Variants in WASHC2C observed in about 807,000 individuals in gnomAD.
The protein encoded by WASHC2C is WASH complex subunit 2C.
In WASHC2C, 73 loss-of-function variants were observed where a neutral mutation model predicts 142.2. The ratio of observed to expected loss-of-function variants is 0.51; its 90% CI spans 0.43 to 0.62. The LOEUF (loss-of-function observed/expected upper bound fraction) is 0.62. WASHC2C is among the 20% of genes least tolerant of loss of function. The pLI, the probability that WASHC2C is intolerant of heterozygous loss-of-function variation, is 0.00. For missense variants in WASHC2C, 969 were observed against 1,531.7 expected, an observed-to-expected ratio of 0.63 and a Z score of 6.13; for synonymous variants, 337 against 565.5, an observed-to-expected ratio of 0.60 and a Z score of 5.73.
chr10:45,770,544 A>T (rs1234575210), intron 20 of WASHC2C, among the ~76,000 whole-genome samples: 1 of 151,862 alleles, frequency 6.6e-6, no homozygotes, highest in African/African-American at 2.4e-5. Context: ...CCTGAATGTT[A>T]TTAGCAGAAA....
In WASHC2C at chr10:45,790,677, T is replaced by A. The variant is rs1409775026; in HGVS notation, c.3886+144T>A. 5 of 736,100 alleles carry A rather than the reference T, an allele frequency of 6.8e-6. No individual in the cohort carries two copies. The Admixed American group carries it at 1.0e-4, about 15-fold the overall frequency. 45.6% of individuals were successfully genotyped at this position (736,100 alleles called of 1,614,324 possible). ...GTGTAATCCTGAGTTAGGCTGAAGA[T>A]AGGTAAGAGATGGACTAATTATTTT... is the stretch of plus-strand genomic sequence containing the variant. On this transcript the variant is annotated intron_variant, in intron 30 of 30. Transcript: ENST00000623400.
rs1589974393 is a variant in WASHC2C at position 45,788,952 on chromosome 10, G to A, written c.3169G>A (p.Glu1057Lys). The A allele has an allele frequency of 1.2e-6, 2 of 1,612,076 alleles. No individual in the cohort carries two copies. Among genetic ancestry groups the A allele is most frequent in the Non-Finnish European group, 1.7e-6 (2 of 1,179,870 alleles). ...RLAAQESSEA[E>K]DMSVPRGPIA... is the part of the protein sequence containing the mutation. ...GGCTGCTCAGGAGTCCAGCGAGGCT[G>A]AGGACATGAGCGTCCCCAGAGGACC... is the stretch of plus-strand genomic sequence containing the variant. Residue 1057 changes from glutamate (E) to lysine (K), a missense_variant, in exon 29 of 31, where the codon GAG becomes AAG. Coordinates refer to ENST00000623400, the MANE Select transcript of WASHC2C (RefSeq NM_001330074.2).
intron 8 of WASHC2C, among the ~76,000 whole-genome samples, chr10:45,748,956 A>G (rs2053193954): frequency 6.6e-6 from 1 of 152,004 alleles, no homozygotes; most frequent in Non-Finnish European, 1.5e-5. Flanking sequence ...GAAATGCTGT[A>G]GTGTTTGCAG....
At chr10:45,738,130 T>C in intron 4 of WASHC2C, 85 bp downstream of exon 4, 2 of 1,592,152 alleles carry the variant, frequency 1.3e-6, no homozygotes, top group East Asian at 2.3e-5. Flanking sequence ...AACTGGGGGA[T>C]GGTGGGTGGG....
chr10:45,786,640 C>A lies in WASHC2C; in HGVS notation c.2840C>A (p.Thr947Asn). Residue 947 changes from threonine (T) to asparagine (N), a missense_variant, in exon 27 of 31, where the codon ACC becomes AAC. Physicochemically the swap from Thr to Asn is moderately conservative, Grantham distance 65. Transcript: ENST00000623400. The stretch of plus-strand genomic sequence containing the variant: ...TCATCAGGTCTCGCTCCATTTAAAA[C>A]CAAAGAACCATCCACTCGGATCGGG... ...QDSSGLAPFK[T>N]KEPSTRIGKI... is the part of the protein sequence containing the mutation. The A allele has an allele frequency of 1.9e-6, 3 of 1,611,816 alleles. No homozygotes were observed. The highest frequency in any genetic ancestry group is 8.5e-7 in the Non-Finnish European group (1 of 1,179,746).
At chr10:45,766,333 C>T (rs561388562) in intron 19 of WASHC2C, among the ~76,000 whole-genome samples, 1 of 152,130 alleles carries the variant, frequency 6.6e-6, no homozygotes, top group South Asian at 2.1e-4. Context: ...TCAGCAAGGC[C>T]TGTGTGGTCA....
intron 23 of WASHC2C, among the ~76,000 whole-genome samples, chr10:45,782,544 A>AGAAC (rs1554888335): frequency 1.3e-5 from 2 of 150,724 alleles, no homozygotes; most frequent in African/African-American, 4.9e-5. Flanking sequence ...ACTTTGGAGA[A>AGAAC]CAGTTTGCTG....
At chr10:45,740,922 TTCC>T (rs1554867537) in intron 5 of WASHC2C, among the ~76,000 whole-genome samples, 1 of 151,328 alleles carries the variant, frequency 6.6e-6, no homozygotes, top group Non-Finnish European at 1.5e-5. Context: ...ACACAAGGCC[TTCC>T]GAATTAAAAC....
rs1320541487 is a variant in WASHC2C at position 45,762,728 on chromosome 10, AC to A, written c.1636-656del. Reference sequence around the variant, plus strand: ...AGACCATCCTGGCTAACATGGTGAAACCCCGTCTCTACTAAAAATACAAAAA... The same window carrying A: ...AGACCATCCTGGCTAACATGGTGAAACCCGTCTCTACTAAAAATACAAAAA... On this transcript the variant is annotated intron_variant, in intron 17 of 30. Coordinates refer to ENST00000623400, the MANE Select transcript of WASHC2C (RefSeq NM_001330074.2). Among the ~76,000 whole-genome samples the A allele has an allele frequency of 5.3e-5, 8 of 151,878 alleles. No individual in the cohort carries two copies. The South Asian group carries it at 6.2e-4, about 12-fold the overall frequency.
At chr10:45,758,951 CTT>C (rs1455345605) in intron 16 of WASHC2C, among the ~76,000 whole-genome samples, 1 of 151,308 alleles carries the variant, frequency 6.6e-6, no homozygotes, top group Non-Finnish European at 1.5e-5. Flanking sequence ...AGTTTTGTCT[CTT>C]TGTGTCATGT....
At chr10:45,764,877 C>T (rs2055600526) in intron 18 of WASHC2C, among the ~76,000 whole-genome samples, 1 of 151,714 alleles carries the variant, frequency 6.6e-6, no homozygotes. Flanking sequence ...TCATTATTCT[C>T]CTGGCCTGTC....
Position 45,754,521 on chromosome 10 carries a change from GCA to G in WASHC2C, c.1217_1218del (p.Ala406GlyfsTer28), listed in dbSNP as rs2054002381. 1 of 1,602,850 alleles carries G rather than the reference GCA, an allele frequency of 6.2e-7. No individual in the cohort carries two copies. Among genetic ancestry groups the G allele is most frequent in the Non-Finnish European group, 8.5e-7 (1 of 1,174,868 alleles). On this transcript the variant is annotated frameshift_variant, in exon 14 of 31. Coordinates refer to ENST00000623400, the MANE Select transcript of WASHC2C (RefSeq NM_001330074.2). LOFTEE classifies it high-confidence loss of function. ...SSSKPGKKIP[A>X]GAVSVFLGDT... The stretch of plus-strand genomic sequence containing the variant: ...ATCCAAACCTGGAAAGAAAATCCCA[GCA>G]GGAGCTGTTTCTGTATTTTTAGGTA...
At chr10:45,744,214 A>G (rs2052515238) in intron 6 of WASHC2C, among the ~76,000 whole-genome samples, 1 of 148,922 alleles carries the variant, frequency 6.7e-6, no homozygotes, top group Admixed American at 6.7e-5. Context: ...GCCCACCACC[A>G]CACCTGGCTA....
intron 18 of WASHC2C, among the ~76,000 whole-genome samples, chr10:45,764,320 A>G (rs1475048158): frequency 6.7e-6 from 1 of 150,204 alleles, no homozygotes; most frequent in Non-Finnish European, 1.5e-5. Context: ...TTTGTCTGCA[A>G]GATTTTTCAA....
At chr10:45,784,293 C>CATATATATATATATATATATATACACAT (rs1286811903) in intron 23 of WASHC2C, among the ~76,000 whole-genome samples, 1 of 63,660 alleles carries the variant, frequency 1.6e-5, no homozygotes, top group African/African-American at 5.1e-5. Flanking sequence ...TATATATACA[C>CATATATATATATATATATATATACACAT]ATATATATAT....
chr10:45,783,220 G>C (rs1324560463), intron 23 of WASHC2C, among the ~76,000 whole-genome samples: 34 of 151,100 alleles, frequency 2.3e-4, no homozygotes, highest in African/African-American at 6.8e-4. Flanking sequence ...GAATTTTTTT[G>C]TTATACCAAT....
intron 8 of WASHC2C, among the ~76,000 whole-genome samples, chr10:45,746,886 A>G (rs1374449385): frequency 6.6e-6 from 1 of 152,228 alleles, no homozygotes; most frequent in African/African-American, 2.4e-5. Context: ...GAAAAGCACA[A>G]TTGGAAAACA....
At position 45,786,803 on chromosome 10, in the gene WASHC2C, A is replaced by G. The variant is rs1589958976; in HGVS notation, c.2874+129A>G. 4 of 1,555,866 alleles carry G rather than the reference A, an allele frequency of 2.6e-6. No homozygotes were observed. The East Asian group carries it at 6.7e-5, about 26-fold the overall frequency. ...CCCCCGCCTCCCCTCCCCTGCACCT[A>G]GTTGTTGTCTCCTGTGTGCTGCGTC... On this transcript the variant is annotated intron_variant, in intron 27 of 30. Coordinates refer to ENST00000623400, the MANE Select transcript of WASHC2C (RefSeq NM_001330074.2).
chr10:45,731,045 A>T (rs1405060914), intron 3 of WASHC2C, among the ~76,000 whole-genome samples: 1 of 149,736 alleles, frequency 6.7e-6, no homozygotes, highest in Non-Finnish European at 1.5e-5. Context: ...CTTAGGTCTT[A>T]TCTTTTCTCC....
Sources: gnomAD v4.1 joint callset for allele counts (sites outside exome capture counted in the v4.1 genomes callset) on GRCh38, gnomAD v4.1.1 for gene constraint, MANE v1.5 for transcripts, NCBI Gene and HGNC (gene_info 2026-07-23, HGNC 2026-07-21) for gene names.